Variants in SPOCK1 observed in about 807,000 individuals in gnomAD.
SPOCK1 encodes the protein SPARC (osteonectin), cwcv and kazal like domains proteoglycan 1.
SPOCK1 carries 23 observed loss-of-function variants against 55.3 expected under a neutral mutation model. The ratio of observed to expected loss-of-function variants is 0.42; its 90% CI spans 0.30 to 0.59. The LOEUF (loss-of-function observed/expected upper bound fraction) is 0.59. Among genes scored for constraint, SPOCK1 ranks in the 20% least tolerant of loss-of-function variants. SPOCK1 has a pLI of 0.22. For missense variants in SPOCK1, 499 were observed against 552.5 expected, an observed-to-expected ratio of 0.90 and a Z score of 0.97; for synonymous variants, 226 against 221.0, an observed-to-expected ratio of 1.02 and a Z score of -0.20.
At chr5:137,065,570 G>T (rs1054402482) in intron 6 of SPOCK1, among the ~76,000 whole-genome samples, 1 of 152,198 alleles carries the variant, frequency 6.6e-6, no homozygotes, top group African/African-American at 2.4e-5. Flanking sequence ...GTTGACCCAA[G>T]ATCTGGTGGA....
At chr5:137,280,387 G>T (rs920316958) in intron 2 of SPOCK1, among the ~76,000 whole-genome samples, 1 of 152,164 alleles carries the variant, frequency 6.6e-6, no homozygotes, top group African/African-American at 2.4e-5. Flanking sequence ...TTCTAAACAT[G>T]TCAAATGATA....
At chr5:137,330,031 C>T (rs137870481) in intron 2 of SPOCK1, among the ~76,000 whole-genome samples, 1 of 152,154 alleles carries the variant, frequency 6.6e-6, no homozygotes, top group Admixed American at 6.5e-5. Context: ...GGGAAGCAGA[C>T]CTGAGACCTC....
At position 136,976,801 on chromosome 5, in the gene SPOCK1, T is replaced by C. The variant is rs1218262149; in HGVS notation, c.*1853A>G. 6.6e-6 allele frequency: 1 copy of C among 152,186 alleles called. No individual in the cohort carries two copies. Among genetic ancestry groups the C allele is most frequent in the Non-Finnish European group, 1.5e-5 (1 of 68,048 alleles). 9.4% of individuals were successfully genotyped at this position (152,186 alleles called of 1,614,324 possible). A position where few individuals can be genotyped will look rare whatever the true frequency, so the allele number is the denominator to read the frequency against. On this transcript the variant is annotated 3_prime_UTR_variant, in exon 11 of 11. Coordinates refer to ENST00000394945, the MANE Select transcript of SPOCK1 (RefSeq NM_004598.4). ...TACGAAGCCAAAGGACTTTGCTATA[T>C]CAAGTAGTTCATTTCTTATCTAAGA... is the stretch of plus-strand genomic sequence containing the variant.
At chr5:137,384,206 G>C (rs958494339) in intron 2 of SPOCK1, among the ~76,000 whole-genome samples, 1 of 152,246 alleles carries the variant, frequency 6.6e-6, no homozygotes, top group Non-Finnish European at 1.5e-5. Context: ...ATGGGTGCTT[G>C]CCCTTTGTGG....
At chr5:137,413,144 G>T (rs559396616) in intron 2 of SPOCK1, among the ~76,000 whole-genome samples, 2 of 152,138 alleles carry the variant, frequency 1.3e-5, no homozygotes, top group African/African-American at 4.8e-5. Flanking sequence ...TAGAAATGAG[G>T]ACAGTAGCTC....
At chr5:137,153,110 T>A (rs948237064) in intron 3 of SPOCK1, among the ~76,000 whole-genome samples, 6 of 152,300 alleles carry the variant, frequency 3.9e-5, no homozygotes, top group South Asian at 2.1e-4. Flanking sequence ...TGAGCCCAGG[T>A]CCATGGGCTT....
chr5:136,999,837 C>T (rs919102914), intron 6 of SPOCK1, among the ~76,000 whole-genome samples: 8 of 152,074 alleles, frequency 5.3e-5, no homozygotes, highest in Non-Finnish European at 1.0e-4. Flanking sequence ...TGGGGATGTC[C>T]GAAAATGGCA....
chr5:137,459,283 G>A (rs1753430311), intron 2 of SPOCK1, among the ~76,000 whole-genome samples: 2 of 152,110 alleles, frequency 1.3e-5, no homozygotes, highest in Admixed American at 6.5e-5. Context: ...AAGCAACAAA[G>A]CAGTCCCTGT....
intron 2 of SPOCK1, among the ~76,000 whole-genome samples, chr5:137,372,995 G>T (rs1345594133): frequency 2.0e-5 from 3 of 152,272 alleles, no homozygotes; most frequent in South Asian, 4.1e-4. Context: ...TTCTAAAAAG[G>T]CTTGAGGCTG....
chr5:137,071,184 G>C (rs13176190), intron 5 of SPOCK1, among the ~76,000 whole-genome samples: 64,853 of 151,832 alleles, frequency 0.43, 16,734 homozygotes, highest in Non-Finnish European at 0.57. Context: ...TGTAGAGATA[G>C]GGTCTCACTA....
At chr5:137,170,587 TTCTCTCTCTC>T (rs56347412) in intron 3 of SPOCK1, among the ~76,000 whole-genome samples, 22 of 142,596 alleles carry the variant, frequency 1.5e-4, no homozygotes, top group East Asian at 6.3e-4. Flanking sequence ...AGCCTGTTAT[TTCTCTCTCTC>T]TCTCTCTCTC....
chr5:137,493,537 G>A (rs1381449234), intron 2 of SPOCK1, among the ~76,000 whole-genome samples: 1 of 152,204 alleles, frequency 6.6e-6, no homozygotes, highest in Non-Finnish European at 1.5e-5. Context: ...CACATTGAAG[G>A]TAAGGACAGA....
At chr5:137,000,514 C>T (rs956924734) in intron 6 of SPOCK1, among the ~76,000 whole-genome samples, 3 of 152,136 alleles carry the variant, frequency 2.0e-5, no homozygotes, top group African/African-American at 4.8e-5. Flanking sequence ...CAACAGGGAC[C>T]ATGTCCCTCC....
chr5:137,087,851 T>C (rs764233427), intron 5 of SPOCK1, among the ~76,000 whole-genome samples: 1 of 119,144 alleles, frequency 8.4e-6, no homozygotes, highest in Non-Finnish European at 1.8e-5. Flanking sequence ...GAAAAAAGTG[T>C]GTAAACCAAG....
chr5:137,093,449 G>A (rs1369780506), intron 5 of SPOCK1, among the ~76,000 whole-genome samples: 1 of 152,194 alleles, frequency 6.6e-6, no homozygotes, highest in Non-Finnish European at 1.5e-5. Context: ...TCTACCATAT[G>A]CTAGGCCCCA....
intron 3 of SPOCK1, among the ~76,000 whole-genome samples, chr5:137,175,346 T>C (rs879485739): frequency 1.3e-5 from 2 of 152,092 alleles, no homozygotes; most frequent in Non-Finnish European, 2.9e-5. Flanking sequence ...TTGAGTAAAA[T>C]TGTGATATGA....
chr5:137,234,419 A>G (rs1756133868), intron 3 of SPOCK1, among the ~76,000 whole-genome samples: 2 of 152,134 alleles, frequency 1.3e-5, no homozygotes, highest in East Asian at 1.9e-4. Context: ...CCTTTCCAGC[A>G]CTGGACTCCC....
intron 3 of SPOCK1, among the ~76,000 whole-genome samples, chr5:137,175,979 C>G (rs959118052): frequency 5.3e-5 from 8 of 152,120 alleles, no homozygotes; most frequent in Admixed American, 4.6e-4. Flanking sequence ...TTGCACTGCC[C>G]ACATGTATTT....
intron 5 of SPOCK1, among the ~76,000 whole-genome samples, chr5:137,105,720 C>T (rs921311739): frequency 9.2e-5 from 14 of 152,206 alleles, no homozygotes; most frequent in Middle Eastern, 3.2e-3. Flanking sequence ...AGCAAGTGCT[C>T]TCTCGCCTCC....
Sources: gnomAD v4.1 joint callset for allele counts (sites outside exome capture counted in the v4.1 genomes callset) on GRCh38, gnomAD v4.1.1 for gene constraint, MANE v1.5 for transcripts, NCBI Gene and HGNC (gene_info 2026-07-23, HGNC 2026-07-21) for gene names.